ITPR1: variants seen among roughly 807,000 people sequenced by gnomAD.
ITPR1 encodes the protein inositol 1,4,5-trisphosphate-gated calcium channel ITPR1.
ITPR1 carries 96 observed loss-of-function variants against 318.4 expected under a neutral mutation model. That is an observed-to-expected ratio of 0.30 (90% CI 0.26 to 0.36). The LOEUF is 0.36. Among genes scored for constraint, ITPR1 ranks in the 10% least tolerant of loss-of-function variants. The pLI, the probability that ITPR1 is intolerant of heterozygous loss-of-function variation, is 1.00. For synonymous variants in ITPR1, 1,312 were observed against 1,289.9 expected, an observed-to-expected ratio of 1.02 and a Z score of -0.37; for missense variants, 2,440 against 3,460.2, an observed-to-expected ratio of 0.71 and a Z score of 7.40.
In ITPR1 at chr3:4,843,077, T is replaced by TG. The variant is rs1418476271; in HGVS notation, c.8191-3062_8191-3061insG. Among the ~76,000 whole-genome samples the TG allele has an allele frequency of 5.5e-3, 816 of 147,478 alleles. 8 individuals carry two copies. Among genetic ancestry groups the TG allele is most frequent in the African/African-American group, 0.017 (674 of 40,036 alleles). On this transcript the variant is annotated intron_variant, in intron 61 of 61. Coordinates refer to ENST00000649015, the MANE Select transcript of ITPR1 (RefSeq NM_001378452.1). Reference sequence around the variant, plus strand: ...TAGTCCTTCAGGGTTTTGAGGGGTTTTTTTTTTTTTTTTTTTTTGGTTCTC... The same window carrying TG: ...TAGTCCTTCAGGGTTTTGAGGGGTTTGTTTTTTTTTTTTTTTTTTGGTTCTC...
At chr3:4,606,101 A>C (rs753526178) in intron 4 of ITPR1, among the ~76,000 whole-genome samples, 2 of 152,112 alleles carry the variant, frequency 1.3e-5, no homozygotes, top group Non-Finnish European at 2.9e-5. Flanking sequence ...ATAAATTTTA[A>C]AACAACAGTG....
intron 4 of ITPR1, among the ~76,000 whole-genome samples, chr3:4,530,441 G>A (rs756111943): frequency 7.9e-5 from 12 of 152,118 alleles, no homozygotes; most frequent in Non-Finnish European, 1.3e-4. Flanking sequence ...ATGACTTAAC[G>A]CTGCCCTGTA....
At chr3:4,575,518 T>C (rs2088552388) in intron 4 of ITPR1, among the ~76,000 whole-genome samples, 1 of 152,194 alleles carries the variant, frequency 6.6e-6, no homozygotes. Flanking sequence ...TGTCTCACTG[T>C]TGGCATGGAT....
chr3:4,754,249 G>A lies in ITPR1; in HGVS notation c.5545-12281G>A, dbSNP rs75003195. ...CCCTGCAACTCCTGCTTCAGCCCTC[G>A]CTCTCCACGATGCAGATTGCCACCC... On this transcript the variant is annotated intron_variant, in intron 44 of 61. Transcript: ENST00000649015. 8.7e-4 allele frequency among the ~76,000 whole-genome samples: 133 copies of A among 152,096 alleles called. No homozygotes were observed. The East Asian group carries it at 0.017, about 19-fold the overall frequency.
intron 4 of ITPR1, among the ~76,000 whole-genome samples, chr3:4,595,727 G>T (rs1357164405): frequency 2.0e-5 from 3 of 152,132 alleles, no homozygotes; most frequent in Non-Finnish European, 2.9e-5. Context: ...GATGCTTTGA[G>T]GGGAGGTGAT....
At chr3:4,784,747 A>T (rs76774935) in intron 51 of ITPR1, among the ~76,000 whole-genome samples, 4 of 124,178 alleles carry the variant, frequency 3.2e-5, no homozygotes, top group Non-Finnish European at 7.0e-5. Context: ...AAAAAAAAAA[A>T]TTAGCCAGGC....
intron 4 of ITPR1, among the ~76,000 whole-genome samples, chr3:4,539,524 TATGGTGGTGGTTGC>T (rs1189871166): frequency 6.6e-6 from 1 of 152,192 alleles, no homozygotes; most frequent in Non-Finnish European, 1.5e-5. Flanking sequence ...TGTTCCTGAT[TATGGTGGTGGTTGC>T]ATGAATTTGT....
At chr3:4,676,580 C>A in intron 23 of ITPR1, 34 bp from the exon 24 acceptor site, 4 of 1,570,398 alleles carry the variant, frequency 2.5e-6, no homozygotes, top group Non-Finnish European at 3.5e-6. Context: ...TCTCTAGAGA[C>A]ATTGTGACCG....
chr3:4,753,008 C>T (rs1016543573), intron 44 of ITPR1, among the ~76,000 whole-genome samples: 3 of 152,078 alleles, frequency 2.0e-5, no homozygotes, highest in Non-Finnish European at 4.4e-5. Context: ...CGCCACGAAG[C>T]GTGGCCAGGG....
intron 42 of ITPR1, among the ~76,000 whole-genome samples, chr3:4,731,556 C>T (rs571109596): frequency 6.6e-6 from 1 of 152,184 alleles, no homozygotes; most frequent in African/African-American, 2.4e-5. Context: ...TTTTTGTTTT[C>T]TGCACATTCA....
intron 2 of ITPR1, among the ~76,000 whole-genome samples, chr3:4,504,048 C>G (rs527633322): frequency 6.6e-6 from 1 of 152,016 alleles, no homozygotes; most frequent in Non-Finnish European, 1.5e-5. Flanking sequence ...TTTTTCTACC[C>G]GTAAATTAAA....
intron 5 of ITPR1, among the ~76,000 whole-genome samples, chr3:4,629,124 T>C (rs1358045651): frequency 6.6e-6 from 1 of 152,274 alleles, no homozygotes; most frequent in Non-Finnish European, 1.5e-5. Flanking sequence ...ATCTACAAGA[T>C]GGTCCATGCC....
intron 60 of ITPR1, among the ~76,000 whole-genome samples, chr3:4,821,347 A>C (rs1170239930): frequency 6.6e-6 from 1 of 152,330 alleles, no homozygotes. Context: ...TTGTGGAATG[A>C]CAGCTGCCAA....
chr3:4,544,636 T>C (rs528608906), intron 4 of ITPR1, among the ~76,000 whole-genome samples: 2 of 152,250 alleles, frequency 1.3e-5, no homozygotes, highest in Non-Finnish European at 2.9e-5. Flanking sequence ...TGACCAAGTT[T>C]GGGAGGGATC....
intron 2 of ITPR1, among the ~76,000 whole-genome samples, chr3:4,503,610 G>T (rs1405725379): frequency 6.6e-6 from 1 of 152,012 alleles, no homozygotes; most frequent in Non-Finnish European, 1.5e-5. Context: ...GTTCTATCTG[G>T]CAGGCAGGGG....
intron 44 of ITPR1, among the ~76,000 whole-genome samples, chr3:4,754,932 G>A (rs571734635): frequency 7.0e-4 from 107 of 152,306 alleles, no homozygotes; most frequent in African/African-American, 2.4e-3. Context: ...AGAGACAGAC[G>A]GCTGTGCCGT....
intron 61 of ITPR1, among the ~76,000 whole-genome samples, chr3:4,842,870 CAAT>C (rs2051454249): frequency 6.6e-6 from 1 of 152,016 alleles, no homozygotes; most frequent in South Asian, 2.1e-4. Context: ...GAGTAACAGA[CAAT>C]AATGATGCCT....
At chr3:4,568,234 G>C (rs2087584394) in intron 4 of ITPR1, among the ~76,000 whole-genome samples, 2 of 152,202 alleles carry the variant, frequency 1.3e-5, no homozygotes, top group South Asian at 4.1e-4. Flanking sequence ...TAAAAACTTT[G>C]ATGGGAACTG....
intron 4 of ITPR1, among the ~76,000 whole-genome samples, chr3:4,557,249 A>C (rs2086219260): frequency 6.6e-6 from 1 of 152,248 alleles, no homozygotes; most frequent in African/African-American, 2.4e-5. Flanking sequence ...GAAATAAGAC[A>C]CATCTTACAT....
Sources: gnomAD v4.1 joint callset for allele counts (sites outside exome capture counted in the v4.1 genomes callset) on GRCh38, gnomAD v4.1.1 for gene constraint, MANE v1.5 for transcripts, NCBI Gene and HGNC (gene_info 2026-07-23, HGNC 2026-07-21) for gene names.